NTRK3: variants seen among roughly 807,000 people sequenced by gnomAD.
The protein encoded by NTRK3 is NT-3 growth factor receptor.
Under a neutral mutation model 91.7 loss-of-function variants are expected in NTRK3, and 24 were observed. That is an observed-to-expected ratio of 0.26 (90% CI 0.19 to 0.37). The LOEUF (loss-of-function observed/expected upper bound fraction) is 0.37, where lower values mean the gene tolerates loss of function less well. Ranked by LOEUF, NTRK3 falls within the 10% of genes least tolerant of loss-of-function variation. The pLI, the probability that NTRK3 is intolerant of heterozygous loss-of-function variation, is 1.00. For synonymous variants in NTRK3, 483 were observed against 404.0 expected (o/e 1.20, Z -2.34); for missense variants, 880 against 1,068.9 (o/e 0.82, Z 2.46).
intron 13 of NTRK3, among the ~76,000 whole-genome samples, chr15:88,073,653 A>G (rs1438179435): frequency 6.6e-6 from 1 of 152,216 alleles, no homozygotes. Flanking sequence ...TCTATAACTC[A>G]TTAACAAGCT....
At chr15:88,112,096 C>CG (rs1567434843) in intron 13 of NTRK3, among the ~76,000 whole-genome samples, 10 of 151,418 alleles carry the variant, frequency 6.6e-5, no homozygotes, top group Non-Finnish European at 1.5e-4. Context: ...TTAGTAGAGA[C>CG]AGGGTTTCAC....
chr15:88,243,390 G>A lies in NTRK3; in HGVS notation c.248+12516C>T, dbSNP rs1368100670. Among the ~76,000 whole-genome samples, 2 of 152,094 alleles carry A rather than the reference G, an allele frequency of 1.3e-5. No homozygotes were observed. The highest frequency in any genetic ancestry group is 4.8e-5 in the African/African-American group (2 of 41,408). ...TCTCAGGTGGAGAAATGAAGAGGCT[G>A]CAAGGATGAGAGCCAGGGTCACCCC... On this transcript the variant is annotated intron_variant, in intron 3 of 18. Transcript: ENST00000394480. The surrounding 1 kb of genome is among the most constrained non-coding windows in gnomAD (Gnocchi z 4.8).
At chr15:88,094,936 T>C (rs984570290) in intron 13 of NTRK3, among the ~76,000 whole-genome samples, 6 of 152,244 alleles carry the variant, frequency 3.9e-5, no homozygotes, top group African/African-American at 1.4e-4. Flanking sequence ...TAGAGAATTA[T>C]TAGTAGAAAT....
At chr15:88,068,515 G>T (rs751996836) in intron 13 of NTRK3, among the ~76,000 whole-genome samples, 18 of 152,316 alleles carry the variant, frequency 1.2e-4, no homozygotes, top group Admixed American at 3.3e-4. Flanking sequence ...GCACTGGGCA[G>T]CTTCATGTTC....
chr15:87,911,258 T>C (rs1313396916), intron 17 of NTRK3, among the ~76,000 whole-genome samples: 2 of 152,202 alleles, frequency 1.3e-5, no homozygotes, highest in Non-Finnish European at 1.5e-5. Context: ...GATAGCATCA[T>C]GAAAATATAT....
intron 5 of NTRK3, among the ~76,000 whole-genome samples, chr15:88,175,568 G>T (rs2045922555): frequency 6.6e-6 from 1 of 151,960 alleles, no homozygotes; most frequent in Admixed American, 6.6e-5. Flanking sequence ...ATCCATTTTA[G>T]AATATCAATT....
rs986600427 is a variant in NTRK3, at chr15:88,061,328, G to A, written c.1397-28283C>T. On this transcript the variant is annotated intron_variant, in intron 13 of 18. Coordinates refer to ENST00000394480, the Ensembl canonical transcript of NTRK3. ...ATGCTTATCCATCAAATGGAGCTCCGAGGAGGGAGCCCTGCCACGGCCTCA... is the reference window on the plus strand; with the variant it reads ...ATGCTTATCCATCAAATGGAGCTCCAAGGAGGGAGCCCTGCCACGGCCTCA... Among the ~76,000 whole-genome samples the A allele has an allele frequency of 5.3e-5, 8 of 152,300 alleles. 1 individual carries two copies. In the South Asian group the frequency reaches 1.0e-3, roughly 20 times the overall value.
At chr15:88,145,960 A>G (rs561028550) in intron 6 of NTRK3, among the ~76,000 whole-genome samples, 1 of 152,306 alleles carries the variant, frequency 6.6e-6, no homozygotes, top group Non-Finnish European at 1.5e-5. Context: ...CACTGCCACT[A>G]TTCAGTGAGT....
intron 17 of NTRK3, chr15:87,928,794 T>G: frequency 6.5e-6 from 2 of 305,882 alleles, no homozygotes; most frequent in Non-Finnish European, 1.2e-5. Context: ...GTGTCATGGG[T>G]GAGGCTAGAT....
At chr15:88,117,575 T>TG (rs2052235612) in intron 13 of NTRK3, among the ~76,000 whole-genome samples, 1 of 152,230 alleles carries the variant, frequency 6.6e-6, no homozygotes, top group Non-Finnish European at 1.5e-5. Context: ...CCTGACTCTG[T>TG]GCTCAAAAGA....
intron 14 of NTRK3, among the ~76,000 whole-genome samples, chr15:87,977,020 T>C (rs1159106490): frequency 6.6e-6 from 1 of 152,124 alleles, no homozygotes; most frequent in Non-Finnish European, 1.5e-5. Flanking sequence ...ACCAAAGGAG[T>C]GAGGGTCTCA....
intron 13 of NTRK3, among the ~76,000 whole-genome samples, chr15:88,118,273 C>T (rs1291685670): frequency 6.6e-6 from 1 of 152,162 alleles, no homozygotes; most frequent in African/African-American, 2.4e-5. Flanking sequence ...CACATGACAG[C>T]TTCTCATTAG....
At chr15:88,126,885 A>G (rs1316359941) in intron 12 of NTRK3, among the ~76,000 whole-genome samples, 2 of 152,310 alleles carry the variant, frequency 1.3e-5, no homozygotes, top group East Asian at 3.9e-4. Context: ...AAACTTGTAC[A>G]GTTAGCAGCC....
At position 88,056,202 on chromosome 15, in the gene NTRK3, A is replaced by ATT. The variant is rs59829232; in HGVS notation, c.1397-23159_1397-23158dup. The stretch of plus-strand genomic sequence containing the variant: ...TATATATATATATATATATATATAT[A>ATT]TTTTTTTTTTAATGTAGAACCTTGA... On this transcript the variant is annotated intron_variant, in intron 13 of 18. Transcript: ENST00000394480. Among the ~76,000 whole-genome samples the ATT allele has an allele frequency of 1.7e-4, 18 of 104,850 alleles. 1 individual carries two copies. The highest frequency in any genetic ancestry group is 1.5e-3 in the South Asian group (5 of 3,280). 68.8% of individuals were successfully genotyped at this position (104,850 alleles called of 152,430 possible). A position where few individuals can be genotyped will look rare whatever the true frequency, so the allele number is the denominator to read the frequency against.
intron 17 of NTRK3, among the ~76,000 whole-genome samples, chr15:87,883,669 C>A (rs2065374272): frequency 6.6e-6 from 1 of 150,602 alleles, no homozygotes. Flanking sequence ...CATATTAAAT[C>A]TCAAAGGAAA....
chr15:87,917,070 C>T (rs2067498189), intron 17 of NTRK3, among the ~76,000 whole-genome samples: 2 of 152,192 alleles, frequency 1.3e-5, no homozygotes, highest in Non-Finnish European at 2.9e-5. Context: ...GGCCACAGGG[C>T]CATTTTGGTC....
chr15:88,225,198 G>A (rs4887391), intron 3 of NTRK3, among the ~76,000 whole-genome samples: 129,967 of 152,144 alleles, frequency 0.85, 55,781 homozygotes, highest in East Asian at 0.99. Flanking sequence ...ACGTGTCAAG[G>A]CACCCCAGTG....
At chr15:87,889,970 A>ATTTAT (rs2065769522) in intron 17 of NTRK3, among the ~76,000 whole-genome samples, 1 of 149,956 alleles carries the variant, frequency 6.7e-6, no homozygotes, top group African/African-American at 2.5e-5. Context: ...TTATTTATTT[A>ATTTAT]TTTATTTATT....
At chr15:88,242,150 C>T (rs1326195270) in intron 3 of NTRK3, among the ~76,000 whole-genome samples, 1 of 152,254 alleles carries the variant, frequency 6.6e-6, no homozygotes, top group African/African-American at 2.4e-5. Context: ...TCCGCTCTCC[C>T]TCCCAGGCTT....
Sources: gnomAD v4.1 joint callset for allele counts (sites outside exome capture counted in the v4.1 genomes callset) on GRCh38, gnomAD v4.1.1 for gene constraint, Gnocchi (gnomAD v3.1) non-coding constraint, MANE v1.5 for transcripts, NCBI Gene and HGNC (gene_info 2026-07-23, HGNC 2026-07-21) for gene names.